Variants in FBXO9 observed in about 807,000 individuals in gnomAD.
The protein encoded by FBXO9 is F-box protein 9.
A neutral mutation model predicts 63.7 loss-of-function variants in FBXO9; 43 were observed. The ratio of observed to expected loss-of-function variants is 0.67; its 90% CI spans 0.53 to 0.87. The LOEUF (loss-of-function observed/expected upper bound fraction) is 0.87. FBXO9 is among the 40% of genes least tolerant of loss of function. The probability of loss-of-function intolerance (pLI) is 0.00; values close to 1 mark genes in which losing one functional copy is unlikely to be tolerated. For synonymous variants in FBXO9, 156 were observed against 171.7 expected (o/e 0.91, Z 0.72); for missense variants, 442 against 533.2 (o/e 0.83, Z 1.68).
rs1166266577 is a variant in FBXO9, at chr6:53,095,635, G to T, written c.1176G>T (p.Trp392Cys). Residue 392 changes from tryptophan to cysteine, a missense_variant, in exon 12 of 13, where the codon TGG (tryptophan) becomes TGT (cysteine). Coordinates refer to ENST00000323557, the MANE Select transcript of FBXO9 (RefSeq NM_033480.3). Reference protein sequence around the residue: ...SGHQRFNKLIWIHHSCHITYK... With the variant: ...SGHQRFNKLICIHHSCHITYK... Reference sequence around the variant, plus strand: ...ACCAGAGGTTCAACAAACTCATCTGGATACATCATTCTTGTCACATTACTT... The same window carrying T: ...ACCAGAGGTTCAACAAACTCATCTGTATACATCATTCTTGTCACATTACTT... 6.2e-7 allele frequency: 1 copy of T among 1,612,092 alleles called. No homozygotes were observed. The highest frequency in any genetic ancestry group is 8.5e-7 in the Non-Finnish European group (1 of 1,179,182).
intron 1 of FBXO9, among the ~76,000 whole-genome samples, chr6:53,068,408 G>A (rs1277113392): frequency 6.6e-6 from 1 of 152,146 alleles, no homozygotes; most frequent in Non-Finnish European, 1.5e-5. Flanking sequence ...TAGGCTCCAA[G>A]TCACACACAG....
Position 53,097,587 on chromosome 6 carries a change from A to G in FBXO9, c.1206-135A>G, listed in dbSNP as rs1763245798. 1.8e-5 allele frequency: 8 copies of G among 454,632 alleles called. No individual in the cohort carries two copies. The South Asian group carries it at 2.1e-4, about 12-fold the overall frequency. The allele number at this position is 454,632 out of a possible 1,614,324, so 28.2% of individuals were successfully genotyped here. ...TTTTCGAGTTTTCTACAATATGCCT[A>G]TATTATATAGAATTTCCTAAGATGA... On this transcript the variant is annotated intron_variant, in intron 12 of 12. Coordinates refer to ENST00000323557, the MANE Select transcript of FBXO9 (RefSeq NM_033480.3).
chr6:53,087,362 A>AAG (rs1233210984), intron 7 of FBXO9, among the ~76,000 whole-genome samples: 1 of 151,502 alleles, frequency 6.6e-6, no homozygotes, highest in African/African-American at 2.4e-5. Context: ...AAAAAAAAAA[A>AAG]AGAGATAAAC....
intron 12 of FBXO9, 50 bp downstream of exon 12, chr6:53,095,714 C>A: frequency 6.8e-7 from 1 of 1,461,722 alleles, no homozygotes; most frequent in Non-Finnish European, 9.2e-7. Context: ...ATGTATACTT[C>A]GTATCCAGCT....
chr6:53,085,644 A>G (rs1289001551), intron 7 of FBXO9, among the ~76,000 whole-genome samples: 4 of 151,526 alleles, frequency 2.6e-5, no homozygotes, highest in Non-Finnish European at 5.9e-5. Flanking sequence ...CATAATAGAA[A>G]TTTATAACTA....
intron 2 of FBXO9, 55 bp downstream of exon 2, chr6:53,071,198 C>G (rs1768903545): frequency 6.8e-7 from 1 of 1,474,376 alleles, no homozygotes; most frequent in Non-Finnish European, 9.2e-7. Flanking sequence ...CATACATATG[C>G]AGAAATTGAT....
At chr6:53,072,896 T>C (rs1171955501) in intron 2 of FBXO9, among the ~76,000 whole-genome samples, 1 of 152,086 alleles carries the variant, frequency 6.6e-6, no homozygotes, top group African/African-American at 2.4e-5. Context: ...AATTTGTTTG[T>C]ATTTTTAGTA....
At chr6:53,086,149 C>CA (rs1232842019) in intron 7 of FBXO9, among the ~76,000 whole-genome samples, 55 of 150,134 alleles carry the variant, frequency 3.7e-4, no homozygotes, top group East Asian at 5.8e-4. Flanking sequence ...AACTACATCT[C>CA]AAAAAAAAAG....
intron 1 of FBXO9, among the ~76,000 whole-genome samples, chr6:53,067,432 C>G (rs566740106): frequency 3.0e-4 from 45 of 152,178 alleles, no homozygotes; most frequent in African/African-American, 1.0e-3. Context: ...TATGGGAACA[C>G]AAAAATGTTG....
intron 7 of FBXO9, among the ~76,000 whole-genome samples, chr6:53,088,288 G>A (rs1056983201): frequency 4.6e-5 from 7 of 152,072 alleles, no homozygotes; most frequent in Non-Finnish European, 8.8e-5. Flanking sequence ...GATTCAAAGT[G>A]TGAAGAAAAA....
chr6:53,073,830 C>A, intron 3 of FBXO9, 191 bp downstream of exon 3: 1 of 456,306 alleles, frequency 2.2e-6, no homozygotes, highest in Non-Finnish European at 3.9e-6. Flanking sequence ...TTGGATGGTA[C>A]CACTACTCCT....
In FBXO9 at chr6:53,065,773, C is replaced by T. The variant is rs1026114574; in HGVS notation, c.-17C>T. On this transcript the variant is annotated 5_prime_UTR_variant, in exon 1 of 13. Coordinates refer to ENST00000323557, the MANE Select transcript of FBXO9 (RefSeq NM_033480.3). ...GGCACGGAGAGCCCCTCGAGCGCAG[C>T]AGGCCGCCCCGCCAGCATGGTAACC... 2.2e-6 allele frequency: 3 copies of T among 1,391,324 alleles called. No individual in the cohort carries two copies. The highest frequency in any genetic ancestry group is 6.1e-5 in the Admixed American group (2 of 32,658). The allele number at this position is 1,391,324 out of a possible 1,614,324, so 86.2% of individuals were successfully genotyped here. A position where few individuals can be genotyped will look rare whatever the true frequency, so the allele number is the denominator to read the frequency against.
chr6:53,080,927 G>A (rs1398471885), intron 5 of FBXO9, 41 bp from the exon 6 acceptor site: 2 of 1,611,148 alleles, frequency 1.2e-6, no homozygotes, highest in Non-Finnish European at 8.5e-7. Flanking sequence ...CTGTACGCTT[G>A]TAGACTGAGG....
At chr6:53,095,372 A>G (rs1763178836) in intron 11 of FBXO9, 141 bp from the exon 12 acceptor site, 2 of 681,118 alleles carry the variant, frequency 2.9e-6, no homozygotes, top group Non-Finnish European at 4.6e-6. Context: ...TAAAGCACTC[A>G]TACATTCTTG....
intron 11 of FBXO9, chr6:53,094,909 C>A: frequency 5.0e-6 from 1 of 201,560 alleles, no homozygotes; most frequent in Non-Finnish European, 1.1e-5. Context: ...TTTAGGAACT[C>A]CCATGTAGAA....
At chr6:53,083,973 G>A (rs2127494904) in intron 7 of FBXO9, among the ~76,000 whole-genome samples, 1 of 152,266 alleles carries the variant, frequency 6.6e-6, no homozygotes, top group East Asian at 1.9e-4. Context: ...GCCACATTTG[G>A]GCAAGAAGGG....
chr6:53,072,210 C>A (rs1219971527), intron 2 of FBXO9, among the ~76,000 whole-genome samples: 1 of 147,806 alleles, frequency 6.8e-6, no homozygotes, highest in African/African-American at 2.5e-5. Context: ...ATTCTAGATA[C>A]GTCTTTTTTT....
chr6:53,085,710 T>C (rs1365650634), intron 7 of FBXO9, among the ~76,000 whole-genome samples: 2 of 151,948 alleles, frequency 1.3e-5, no homozygotes, highest in African/African-American at 4.8e-5. Context: ...ATATCAATAA[T>C]ATACCCATAA....
intron 4 of FBXO9, 60 bp from the exon 5 acceptor site, chr6:53,078,739 A>T: frequency 7.8e-7 from 1 of 1,276,054 alleles, no homozygotes; most frequent in Non-Finnish European, 1.1e-6. Context: ...GTTAAGGGTA[A>T]TCAAAGGAAA....
Sources: allele counts gnomAD v4.1 joint callset (sites outside exome capture counted in the v4.1 genomes callset), GRCh38; gene constraint gnomAD v4.1.1; transcripts MANE v1.5; gene names NCBI Gene and HGNC (gene_info 2026-07-23, HGNC 2026-07-21).